Variants in ZNF750 observed in about 807,000 individuals in gnomAD.
ZNF750 encodes the protein zinc finger protein 750, also known as protein ZNF750.
ZNF750 carries 10 observed loss-of-function variants against 31.6 expected under a neutral mutation model. The ratio of observed to expected loss-of-function variants is 0.32; its 90% CI spans 0.19 to 0.54. ZNF750 has a LOEUF of 0.54. Ranked by LOEUF, ZNF750 falls within the 20% of genes least tolerant of loss-of-function variation. ZNF750 has a pLI of 0.95. For missense variants in ZNF750, 914 were observed against 934.9 expected, an observed-to-expected ratio of 0.98 and a Z score of 0.29; for synonymous variants, 400 against 404.9, an observed-to-expected ratio of 0.99 and a Z score of 0.15.
At position 82,831,780 on chromosome 17, in the gene ZNF750, T is replaced by C. The variant is rs964623067; in HGVS notation, c.675A>G (p.Thr225=). Residue 225 remains threonine (T), a synonymous_variant, in exon 2 of 3, where the codon ACA becomes ACG. Transcript: ENST00000269394. This position sits in a 1 kb window ranked among gnomAD's most constrained non-coding sequence, Gnocchi z 4.6. ...PPEFPHKISS[T]KGLGAISPYM... is the part of the protein sequence containing the mutation. ...AAGGGGAAATGGCCCCAAGCCCCTT[T>C]GTAGATGAGATTTTATGTGGAAACT... 1.2e-6 allele frequency: 2 copies of C among 1,613,980 alleles called. No homozygotes were observed. The highest frequency in any genetic ancestry group is 1.7e-5 in the Admixed American group (1 of 60,004).
At chr17:82,838,731 A>G (rs1322143108) in intron 1 of ZNF750, 2 of 985,330 alleles carry the variant, frequency 2.0e-6, no homozygotes, top group Non-Finnish European at 2.4e-6. Flanking sequence ...GACCTGGGGA[A>G]AAGACAGTCT....
In ZNF750 at chr17:82,832,165, G is replaced by T. The variant is rs757935341; in HGVS notation, c.290C>A (p.Ala97Asp). The part of the protein sequence containing the change: ...SSKSVANGLS[A>D]FDSKLQHSSA... Reference sequence around the variant, plus strand: ...GCTGTGCTGAAGCTTCGAGTCGAAGGCAGAGAGTCCATTTGCGACAGACTT... The same window carrying T: ...GCTGTGCTGAAGCTTCGAGTCGAAGTCAGAGAGTCCATTTGCGACAGACTT... The change falls in exon 2 of 3, where the codon GCC becomes GAC. Residue 97 changes from alanine to aspartate, a missense_variant. Physicochemically the swap from Ala to Asp is moderately radical, Grantham distance 126 (BLOSUM62 -2). Around this residue, in one of 2 missense-constraint regions of ZNF750, gnomAD observed 880 missense variants for 868.9 expected, o/e 1.01. Transcript: ENST00000269394. This position sits in a 1 kb window ranked among gnomAD's most constrained non-coding sequence, Gnocchi z 4.9. 5.3e-5 allele frequency: 86 copies of T among 1,614,264 alleles called. No homozygotes were observed. In the Middle Eastern group the frequency reaches 8.2e-4, roughly 15 times the overall value.
At position 82,835,482 on chromosome 17, in the gene ZNF750, G is replaced by GTGCGATCTCGGTTCAC. The variant is rs1170421309; in HGVS notation, c.-182-2862_-182-2847dup. Among the ~76,000 whole-genome samples the GTGCGATCTCGGTTCAC allele has an allele frequency of 6.6e-6, 1 of 152,168 alleles. No individual in the cohort carries two copies. The highest frequency in any genetic ancestry group is 1.5e-5 in the Non-Finnish European group (1 of 68,028). On this transcript the variant is annotated intron_variant, in intron 1 of 2. Transcript: ENST00000269394. This position sits in a 1 kb window ranked among gnomAD's most constrained non-coding sequence, Gnocchi z 4.5. Reference sequence around the variant, plus strand: ...TTGTTGCCCAGGCTGGAGGGCAGTGGTGCGATCTCGGTTCACTGCAACCTC... The same window carrying GTGCGATCTCGGTTCAC: ...TTGTTGCCCAGGCTGGAGGGCAGTGGTGCGATCTCGGTTCACTGCGATCTCGGTTCACTGCAACCTC...
chr17:82,839,006 T>C (rs1393535548), intron 1 of ZNF750: 3 of 982,146 alleles, frequency 3.1e-6, no homozygotes, highest in East Asian at 2.3e-4. Flanking sequence ...AAATTTCATA[T>C]AAGGAAAAAA....
Position 82,832,771 on chromosome 17 carries a change from AGCAGCTGCC to A in ZNF750, c.-182-144_-182-136del, listed in dbSNP as rs2053629975. On this transcript the variant is annotated intron_variant, in intron 1 of 2. Transcript: ENST00000269394. This position sits in a 1 kb window ranked among gnomAD's most constrained non-coding sequence, Gnocchi z 4.9. ...GCTGAAACTGCCTGCTCCTGAGGGGAGCAGCTGCCGGTCACAGAAGCAGCCCTGCCCTAC... is the reference window on the plus strand; with the variant it reads ...GCTGAAACTGCCTGCTCCTGAGGGGAGGTCACAGAAGCAGCCCTGCCCTAC... 2.3e-6 allele frequency: 1 copy of A among 436,748 alleles called. No individual in the cohort carries two copies. Among genetic ancestry groups the A allele is most frequent in the African/African-American group, 2.0e-5 (1 of 50,182 alleles). The allele number at this position is 436,748 out of a possible 1,614,324, so 27.1% of individuals were successfully genotyped here.
Position 82,833,775 on chromosome 17 carries a change from T to G in ZNF750, c.-182-1139A>C, listed in dbSNP as rs2053716604. 6.6e-6 allele frequency among the ~76,000 whole-genome samples: 1 copy of G among 152,112 alleles called. No homozygotes were observed. Among genetic ancestry groups the G allele is most frequent in the Non-Finnish European group, 1.5e-5 (1 of 68,016 alleles). ...TGGCCCTTAACCTTTAGGGAGTGGGTTCAGCCCTCTGGCCACACCCACTCA... is the reference window on the plus strand; with the variant it reads ...TGGCCCTTAACCTTTAGGGAGTGGGGTCAGCCCTCTGGCCACACCCACTCA... On this transcript the variant is annotated intron_variant, in intron 1 of 2. Transcript: ENST00000269394. This position sits in a 1 kb window ranked among gnomAD's most constrained non-coding sequence, Gnocchi z 4.7.
chr17:82,830,014 TG>T lies in ZNF750; in HGVS notation c.*127del. 2 of 1,438,650 alleles carry T rather than the reference TG, an allele frequency of 1.4e-6. No homozygotes were observed. Among genetic ancestry groups the T allele is most frequent in the Non-Finnish European group, 9.5e-7 (1 of 1,056,268 alleles). 89.1% of individuals were successfully genotyped at this position (1,438,650 alleles called of 1,614,324 possible). A position where few individuals can be genotyped will look rare whatever the true frequency, so the allele number is the denominator to read the frequency against. On this transcript the variant is annotated 3_prime_UTR_variant, in exon 3 of 3. Coordinates refer to ENST00000269394, the MANE Select transcript of ZNF750 (RefSeq NM_024702.3). ...AGGGTTTTTTGTTTGTTTGTTTGTT[TG>T]TTTTTTTGAGAAGCAGCAGCTGCAT...
At position 82,832,262 on chromosome 17, in the gene ZNF750, ACTTGGGAACTCGATC is replaced by A. The variant is rs2053588270; in HGVS notation, c.178_192del (p.Asp60_Lys64del). The A allele has an allele frequency of 1.2e-6, 2 of 1,614,086 alleles. No individual in the cohort carries two copies. The highest frequency in any genetic ancestry group is 2.2e-5 in the South Asian group (2 of 91,084). On this transcript the variant is annotated inframe_deletion, in exon 2 of 3. Transcript: ENST00000269394. The surrounding 1 kb of genome is among the most constrained non-coding windows in gnomAD (Gnocchi z 4.9). ...GGGTCTAGTGAGTTAGATTTAGGGC[ACTTGGGAACTCGATC>A]CTGCTCTGATACTAAAGTAATCGAG...
chr17:82,831,920 G>C lies in ZNF750; in HGVS notation c.535C>G (p.Pro179Ala). ...RLKGPDNAEA[P>A]ETLALHNPTA... Reference sequence around the variant, plus strand: ...GGGTTGTGTAAAGCCAGTGTCTCGGGCGCCTCGGCGTTGTCTGGCCCCTTG... The same window carrying C: ...GGGTTGTGTAAAGCCAGTGTCTCGGCCGCCTCGGCGTTGTCTGGCCCCTTG... The change falls in exon 2 of 3, where the codon CCC becomes GCC. Residue 179 changes from proline (P) to alanine (A), a missense_variant. This residue lies in a region of ZNF750 where 880 missense variants were observed against 868.9 expected (regional missense o/e 1.01). Coordinates refer to ENST00000269394, the MANE Select transcript of ZNF750 (RefSeq NM_024702.3). This position sits in a 1 kb window ranked among gnomAD's most constrained non-coding sequence, Gnocchi z 4.6. The C allele has an allele frequency of 6.2e-7, 1 of 1,614,196 alleles. No homozygotes were observed. Among genetic ancestry groups the C allele is most frequent in the South Asian group, 1.1e-5 (1 of 91,086 alleles).
chr17:82,835,832 G>GT lies in ZNF750; in HGVS notation c.-182-3197dup, dbSNP rs1446846237. On this transcript the variant is annotated intron_variant, in intron 1 of 2. Transcript: ENST00000269394. This position sits in a 1 kb window ranked among gnomAD's most constrained non-coding sequence, Gnocchi z 4.5. ...ATTTATTTACTAAGAAGTGGTTTGGGTAGAAAAGGGGCTCTGCTGACCTGC... is the reference window on the plus strand; with the variant it reads ...ATTTATTTACTAAGAAGTGGTTTGGGTTAGAAAAGGGGCTCTGCTGACCTGC... Among the ~76,000 whole-genome samples, 6 of 152,338 alleles carry GT rather than the reference G, an allele frequency of 3.9e-5. No individual in the cohort carries two copies. Among genetic ancestry groups the GT allele is most frequent in the South Asian group, 2.1e-4 (1 of 4,824 alleles).
Position 82,830,503 on chromosome 17 carries a change from AGGCTGCCTGGCTTGGTCTCAG to A in ZNF750, c.1790_1810del (p.Pro597_Ser603del). Reference sequence around the variant, plus strand: ...TGTGGGTGGGGCCCCGTCACCGTCGAGGCTGCCTGGCTTGGTCTCAGGGTGGCTGGGCCCATCCTCAGAACC... The same window carrying A: ...TGTGGGTGGGGCCCCGTCACCGTCGAGGTGGCTGGGCCCATCCTCAGAACC... On this transcript the variant is annotated inframe_deletion, in exon 3 of 3. Coordinates refer to ENST00000269394, the MANE Select transcript of ZNF750 (RefSeq NM_024702.3). 1 of 1,613,446 alleles carries A rather than the reference AGGCTGCCTGGCTTGGTCTCAG, an allele frequency of 6.2e-7. No individual in the cohort carries two copies. Among genetic ancestry groups the A allele is most frequent in the Non-Finnish European group, 8.5e-7 (1 of 1,179,616 alleles).
chr17:82,836,205 C>T (rs145666087), intron 1 of ZNF750, among the ~76,000 whole-genome samples: 10 of 152,362 alleles, frequency 6.6e-5, no homozygotes, highest in Non-Finnish European at 1.2e-4. Flanking sequence ...GTAGAGAAGC[C>T]GGGTGCCTGG....
At position 82,833,675 on chromosome 17, in the gene ZNF750, C is replaced by T. The variant is rs1456847844; in HGVS notation, c.-182-1039G>A. Among the ~76,000 whole-genome samples the T allele has an allele frequency of 6.6e-6, 1 of 152,204 alleles. No homozygotes were observed. The highest frequency in any genetic ancestry group is 1.5e-5 in the Non-Finnish European group (1 of 68,042). On this transcript the variant is annotated intron_variant, in intron 1 of 2. Coordinates refer to ENST00000269394, the MANE Select transcript of ZNF750 (RefSeq NM_024702.3). The surrounding 1 kb of genome is among the most constrained non-coding windows in gnomAD (Gnocchi z 4.7). ...AAATGGAAGAACCAAAGCTTTGCCA[C>T]ACTCCTGCCCGAGAGGAGACCAGAG... is the stretch of plus-strand genomic sequence containing the variant.
At position 82,836,273 on chromosome 17, in the gene ZNF750, C is replaced by T. The variant is rs527881510; in HGVS notation, c.-182-3637G>A. On this transcript the variant is annotated intron_variant, in intron 1 of 2. Coordinates refer to ENST00000269394, the MANE Select transcript of ZNF750 (RefSeq NM_024702.3). The stretch of plus-strand genomic sequence containing the variant: ...CAGTGGGGCCTGTGCCGGCATGCCT[C>T]GCCGCGCTCCCTGGTTCTGAAGGCG... Among the ~76,000 whole-genome samples the T allele has an allele frequency of 1.4e-4, 21 of 152,316 alleles. No homozygotes were observed. In the South Asian group the frequency reaches 2.7e-3, roughly 20 times the overall value.
In ZNF750 at chr17:82,835,587, T is replaced by G. The variant is rs2053899557; in HGVS notation, c.-182-2951A>C. 6.6e-6 allele frequency among the ~76,000 whole-genome samples: 1 copy of G among 152,076 alleles called. No homozygotes were observed. Among genetic ancestry groups the G allele is most frequent in the African/African-American group, 2.4e-5 (1 of 41,420 alleles). On this transcript the variant is annotated intron_variant, in intron 1 of 2. Transcript: ENST00000269394. This position sits in a 1 kb window ranked among gnomAD's most constrained non-coding sequence, Gnocchi z 4.5. ...ACAGGTGCCTACCACCACGCCCAGC[T>G]AATTTTTTTGTAATTTTAGTAGAGA...
At position 82,830,424 on chromosome 17, in the gene ZNF750, C is replaced by G. The variant is rs1287565426; in HGVS notation, c.1890G>C (p.Gln630His). The G allele has an allele frequency of 2.5e-6, 4 of 1,611,704 alleles. No homozygotes were observed. The Admixed American group carries it at 5.0e-5, about 20-fold the overall frequency. Reference protein sequence around the residue: ...DACAVDSSEEQKQTAAVALCQ... With the variant: ...DACAVDSSEEHKQTAAVALCQ... ...ACAGGGCCACGGCTGCCGTCTGCTT[C>G]TGCTCCTCGCTGCTGTCCACCGCGC... The change falls in exon 3 of 3, where the codon CAG (glutamine) becomes CAC (histidine). Residue 630 changes from glutamine to histidine, a missense_variant. Coordinates refer to ENST00000269394, the MANE Select transcript of ZNF750 (RefSeq NM_024702.3).
At position 82,832,294 on chromosome 17, in the gene ZNF750, G is replaced by C. The variant is rs1177575279; in HGVS notation, c.161C>G (p.Thr54Ser). Residue 54 changes from threonine to serine, a missense_variant, in exon 2 of 3, where the codon ACT (threonine) becomes AGT (serine). Around this residue, in one of 2 missense-constraint regions of ZNF750, gnomAD observed 34 missense variants for 66.0 expected, o/e 0.52. Transcript: ENST00000269394. This position sits in a 1 kb window ranked among gnomAD's most constrained non-coding sequence, Gnocchi z 4.9. ...AACTCGATCCTGCTCTGATACTAAA[G>C]TAATCGAGTTTTTACAAAGACCATA... ...MKYGLCKNSITLVSEQDRVPK... is the reference protein window; with the variant it reads ...MKYGLCKNSISLVSEQDRVPK... 1 of 1,614,248 alleles carries C rather than the reference G, an allele frequency of 6.2e-7. No individual in the cohort carries two copies. Among genetic ancestry groups the C allele is most frequent in the Non-Finnish European group, 8.5e-7 (1 of 1,180,052 alleles).
chr17:82,830,922 AGCAACTGCGTGAAGCAGT>A (rs1476819144), intron 2 of ZNF750, 45 bp from the exon 3 acceptor site: 2 of 1,613,164 alleles, frequency 1.2e-6, no homozygotes, highest in Non-Finnish European at 1.7e-6. Context: ...TGCTTAGAAA[AGCAACTGCGTGAAGCAGT>A]GTGAGCAAGT....
intron 1 of ZNF750, among the ~76,000 whole-genome samples, chr17:82,836,025 G>A (rs553654533): frequency 6.0e-4 from 92 of 152,358 alleles, no homozygotes; most frequent in Non-Finnish European, 8.2e-4. Context: ...GAAGCTACAA[G>A]GCACCGGGTC....
Sources: allele counts gnomAD v4.1 joint callset (sites outside exome capture counted in the v4.1 genomes callset), GRCh38; gene constraint gnomAD v4.1.1; regional missense constraint gnomAD v4.1.1; non-coding constraint Gnocchi (gnomAD v3.1); transcripts MANE v1.5; gene names NCBI Gene and HGNC (gene_info 2026-07-23, HGNC 2026-07-21).